The following SOX6 variants were observed in gnomAD, a reference collection of about 807,000 sequenced individuals.
The protein encoded by SOX6 is SRY-box transcription factor 6.
SOX6 carries 11 observed loss-of-function variants against 97.8 expected under a neutral mutation model. The ratio of observed to expected loss-of-function variants is 0.11; its 90% CI spans 0.07 to 0.19. The LOEUF (loss-of-function observed/expected upper bound fraction) is 0.19. Among genes scored for constraint, SOX6 ranks in the 10% least tolerant of loss-of-function variants. SOX6 has a pLI of 1.00. For synonymous variants in SOX6, 360 were observed against 371.4 expected, an observed-to-expected ratio of 0.97 and a Z score of 0.35; for missense variants, 810 against 1,039.5, an observed-to-expected ratio of 0.78 and a Z score of 3.04.
Position 15,970,009 on chromosome 11 carries a change from A to G in SOX6, c.*2800T>C, listed in dbSNP as rs1017714139. 11 of 152,242 alleles carry G rather than the reference A, an allele frequency of 7.2e-5. No homozygotes were observed. The highest frequency in any genetic ancestry group is 2.2e-4 in the African/African-American group (9 of 41,468). The allele number at this position is 152,242 out of a possible 1,614,324, so 9.4% of individuals were successfully genotyped here. ...ACTGAGGCAGAGCTGGAGCTAAAAC[A>G]AAGTGTTCATACACACATGTATTTT... On this transcript the variant is annotated 3_prime_UTR_variant, in exon 16 of 16. Transcript: ENST00000683767.
chr11:16,007,554 A>G (rs908930665), intron 13 of SOX6, among the ~76,000 whole-genome samples: 1 of 152,108 alleles, frequency 6.6e-6, no homozygotes, highest in Non-Finnish European at 1.5e-5. Context: ...GAAACGGCCA[A>G]TTGATCAAAG....
chr11:16,042,236 T>C (rs1198767494), intron 12 of SOX6, among the ~76,000 whole-genome samples: 2 of 152,176 alleles, frequency 1.3e-5, no homozygotes, highest in Non-Finnish European at 2.9e-5. Flanking sequence ...AATCTACATG[T>C]AGTCTGTCTT....
rs77396032 is a variant in SOX6 at position 16,186,476 on chromosome 11, T to C, written c.708+307A>G. ...AAAAGTCACTTACTCATAGTGAAGCTACAGAGGGATTATATGTGATGTCTA... is the reference window on the plus strand; with the variant it reads ...AAAAGTCACTTACTCATAGTGAAGCCACAGAGGGATTATATGTGATGTCTA... On this transcript the variant is annotated intron_variant, in intron 5 of 15. Transcript: ENST00000683767. Among the ~76,000 whole-genome samples the C allele has an allele frequency of 8.3e-3, 1,266 of 152,230 alleles. 14 individuals are homozygous for C. The highest frequency in any genetic ancestry group is 0.029 in the African/African-American group (1,223 of 41,530).
At chr11:16,694,675 A>G (rs1279754370) in intron 3 of SOX6, among the ~76,000 whole-genome samples, 2 of 152,236 alleles carry the variant, frequency 1.3e-5, no homozygotes, top group African/African-American at 2.4e-5. Context: ...GCTGTCTTAT[A>G]TAACTGGCAA....
intron 4 of SOX6, among the ~76,000 whole-genome samples, chr11:16,203,377 A>G (rs73418973): frequency 6.6e-6 from 1 of 152,294 alleles, no homozygotes; most frequent in African/African-American, 2.4e-5. Context: ...TGGCAAGGAG[A>G]TGAATGAAAC....
At position 16,277,162 on chromosome 11, in the gene SOX6, C is replaced by T. The variant is rs368453099; in HGVS notation, c.445+41284G>A. On this transcript the variant is annotated intron_variant, in intron 3 of 15. Coordinates refer to ENST00000683767, the MANE Select transcript of SOX6 (RefSeq NM_001367873.1). ...ACTATGTTCCCCCAGAATTCATATG[C>T]TGAAGCCCTACCCTCTAAGTGATGG... is the stretch of plus-strand genomic sequence containing the variant. 5.3e-5 allele frequency among the ~76,000 whole-genome samples: 8 copies of T among 152,100 alleles called. No homozygotes were observed. In the East Asian group the frequency reaches 1.5e-3, roughly 29 times the overall value.
chr11:16,436,753 CT>C (rs1859383302), intron 1 of SOX6, among the ~76,000 whole-genome samples: 1 of 152,162 alleles, frequency 6.6e-6, no homozygotes, highest in Non-Finnish European at 1.5e-5. Flanking sequence ...AATTGTGCCT[CT>C]TGCATAAGAA....
intron 3 of SOX6, among the ~76,000 whole-genome samples, chr11:16,278,973 T>C (rs1240329278): frequency 6.6e-6 from 1 of 152,088 alleles, no homozygotes; most frequent in African/African-American, 2.4e-5. Context: ...AAAAAATAGG[T>C]ACAGGAAGAC....
At chr11:16,657,757 G>C (rs1330507366) in intron 3 of SOX6, among the ~76,000 whole-genome samples, 3 of 152,138 alleles carry the variant, frequency 2.0e-5, no homozygotes, top group African/African-American at 7.2e-5. Context: ...ATCTATTCAT[G>C]TTTCTTTGCC....
At chr11:16,712,078 T>TACCCATACACACACAC (rs1848185218) in intron 3 of SOX6, among the ~76,000 whole-genome samples, 2 of 139,924 alleles carry the variant, frequency 1.4e-5, no homozygotes, top group African/African-American at 5.3e-5. Flanking sequence ...TAGTATTCCA[T>TACCCATACACACACAC]ACACACACAC....
chr11:16,353,477 A>G (rs914296603), intron 1 of SOX6, among the ~76,000 whole-genome samples: 4 of 152,046 alleles, frequency 2.6e-5, no homozygotes, highest in African/African-American at 9.7e-5. Context: ...TTTACCACCA[A>G]CCCAAATTTC....
At chr11:16,167,239 T>C (rs1201392618) in intron 6 of SOX6, among the ~76,000 whole-genome samples, 1 of 152,198 alleles carries the variant, frequency 6.6e-6, no homozygotes, top group African/African-American at 2.4e-5. Context: ...AACTCCATTT[T>C]TCTAGTTGCT....
At chr11:16,493,447 A>G (rs1423341677) in intron 4 of SOX6, among the ~76,000 whole-genome samples, 1 of 152,242 alleles carries the variant, frequency 6.6e-6, no homozygotes, top group Non-Finnish European at 1.5e-5. Flanking sequence ...AGAAGTGATT[A>G]TCATAAAAGA....
intron 2 of SOX6, among the ~76,000 whole-genome samples, chr11:16,340,634 A>T (rs1049540620): frequency 1.3e-5 from 2 of 152,138 alleles, no homozygotes; most frequent in Non-Finnish European, 2.9e-5. Flanking sequence ...ATTCACACAG[A>T]CATATTTGCT....
At chr11:16,427,536 G>A (rs1338038817) in intron 1 of SOX6, among the ~76,000 whole-genome samples, 2 of 150,858 alleles carry the variant, frequency 1.3e-5, no homozygotes, top group South Asian at 2.1e-4. Flanking sequence ...GTGTCCATGT[G>A]TTCTCATTGT....
At chr11:16,456,995 T>A (rs921323214) in intron 1 of SOX6, among the ~76,000 whole-genome samples, 5 of 152,066 alleles carry the variant, frequency 3.3e-5, no homozygotes, top group African/African-American at 1.2e-4. Flanking sequence ...TCTATCTTGA[T>A]GGGAAAGTGA....
intron 4 of SOX6, among the ~76,000 whole-genome samples, chr11:16,216,727 C>A (rs1313729166): frequency 6.6e-6 from 1 of 151,990 alleles, no homozygotes; most frequent in Non-Finnish European, 1.5e-5. Context: ...ACAAATGAGT[C>A]TTTGTAAATA....
chr11:16,016,482 T>TA (rs1054638431), intron 12 of SOX6, among the ~76,000 whole-genome samples: 17 of 151,876 alleles, frequency 1.1e-4, no homozygotes, highest in African/African-American at 4.1e-4. Flanking sequence ...ATGACTCTCA[T>TA]AAAAAACAGA....
intron 4 of SOX6, among the ~76,000 whole-genome samples, chr11:16,584,488 C>G (rs1418394542): frequency 6.6e-6 from 1 of 152,162 alleles, no homozygotes; most frequent in Non-Finnish European, 1.5e-5. Context: ...TATCATCTAT[C>G]CGTTTAGATG....
Sources: allele counts gnomAD v4.1 joint callset (sites outside exome capture counted in the v4.1 genomes callset), GRCh38; gene constraint gnomAD v4.1.1; transcripts MANE v1.5; gene names NCBI Gene and HGNC (gene_info 2026-07-23, HGNC 2026-07-21).